The following SCAPER variants were observed in gnomAD, a reference collection of about 807,000 sequenced individuals.
SCAPER encodes S-phase cyclin A associated protein in the ER, also known as S phase cyclin A-associated protein in the endoplasmic reticulum.
A neutral mutation model predicts 182.2 loss-of-function variants in SCAPER; 98 were observed. The observed-to-expected ratio is 0.54, with a 90% confidence interval of 0.46 to 0.64. The LOEUF is 0.64. SCAPER is among the 30% of genes least tolerant of loss of function. The pLI is 0.00. For synonymous variants in SCAPER, 605 were observed against 564.6 expected (o/e 1.07, Z -1.01); for missense variants, 1,432 against 1,690.0 (o/e 0.85, Z 2.68).
intron 29 of SCAPER, among the ~76,000 whole-genome samples, chr15:76,375,527 T>C (rs921852170): frequency 2.0e-5 from 3 of 152,104 alleles, no homozygotes; most frequent in African/African-American, 7.2e-5. Context: ...AAAACCCTGA[T>C]AGCTAGAGCA....
At chr15:76,536,362 T>C (rs2044160531) in intron 23 of SCAPER, among the ~76,000 whole-genome samples, 1 of 151,980 alleles carries the variant, frequency 6.6e-6, no homozygotes, top group Non-Finnish European at 1.5e-5. Context: ...TAATAAAAAT[T>C]GGGAAAAAAA....
intron 3 of SCAPER, among the ~76,000 whole-genome samples, chr15:76,860,591 G>T (rs16968545): frequency 0.051 from 7,755 of 152,112 alleles, 581 homozygotes; most frequent in African/African-American, 0.16. Context: ...CTACAGAAAA[G>T]GTGGAATCAA....
At chr15:76,808,132 A>G (rs2066315241) in intron 5 of SCAPER, among the ~76,000 whole-genome samples, 1 of 152,134 alleles carries the variant, frequency 6.6e-6, no homozygotes, top group African/African-American at 2.4e-5. Context: ...GGGCACAGGA[A>G]AGAGAAAAAG....
intron 22 of SCAPER, among the ~76,000 whole-genome samples, chr15:76,575,280 A>T (rs990042317): frequency 6.6e-6 from 1 of 152,026 alleles, no homozygotes; most frequent in African/African-American, 2.4e-5. Flanking sequence ...TACTGGTAGG[A>T]CTACTGATTC....
chr15:76,514,447 C>A (rs966943188), intron 23 of SCAPER, among the ~76,000 whole-genome samples: 1 of 152,168 alleles, frequency 6.6e-6, no homozygotes, highest in Non-Finnish European at 1.5e-5. Context: ...ACTAGAGTAA[C>A]TGTTATTACC....
At chr15:76,464,923 T>C (rs542118660) in intron 25 of SCAPER, among the ~76,000 whole-genome samples, 2 of 152,264 alleles carry the variant, frequency 1.3e-5, no homozygotes, top group South Asian at 4.1e-4. Flanking sequence ...ATAACAGCCA[T>C]CCTAACAGGC....
intron 27 of SCAPER, among the ~76,000 whole-genome samples, chr15:76,396,471 C>G (rs2044066694): frequency 1.3e-5 from 2 of 152,106 alleles, no homozygotes; most frequent in South Asian, 4.1e-4. Flanking sequence ...AAACAGTTTT[C>G]TATTTATTAT....
intron 21 of SCAPER, among the ~76,000 whole-genome samples, chr15:76,628,268 G>A (rs1200505764): frequency 1.3e-5 from 2 of 152,118 alleles, no homozygotes; most frequent in African/African-American, 4.8e-5. Context: ...CTGTGCAGAG[G>A]CTCTTTCGTT....
chr15:76,753,762 A>C, intron 15 of SCAPER, 46 bp downstream of exon 15: 1 of 1,576,120 alleles, frequency 6.3e-7, no homozygotes, highest in African/African-American at 1.4e-5. Flanking sequence ...CAATTCAAAA[A>C]AGTACTTGGG....
chr15:76,825,572 T>C (rs890370198), intron 5 of SCAPER, among the ~76,000 whole-genome samples: 6 of 152,240 alleles, frequency 3.9e-5, no homozygotes, highest in African/African-American at 1.4e-4. Flanking sequence ...TTTACCTTCA[T>C]TGAGACAAAC....
intron 23 of SCAPER, among the ~76,000 whole-genome samples, chr15:76,527,649 G>A (rs1597209465): frequency 6.6e-6 from 1 of 152,280 alleles, no homozygotes; most frequent in Non-Finnish European, 1.5e-5. Flanking sequence ...GTTGTATGGG[G>A]CATTTAGCCC....
chr15:76,400,022 G>GAGAAA (rs955559596), intron 27 of SCAPER, among the ~76,000 whole-genome samples: 4 of 144,846 alleles, frequency 2.8e-5, no homozygotes, highest in African/African-American at 7.6e-5. Context: ...AAAAAAAAAA[G>GAGAAA]AGAAAAGAAA....
chr15:76,744,758 T>A (rs973391976), intron 15 of SCAPER, among the ~76,000 whole-genome samples: 4 of 152,138 alleles, frequency 2.6e-5, no homozygotes, highest in Non-Finnish European at 5.9e-5. Flanking sequence ...CAGCTACCAT[T>A]TGACCCAGCA....
intron 20 of SCAPER, among the ~76,000 whole-genome samples, chr15:76,695,647 T>C (rs994330156): frequency 6.6e-6 from 1 of 152,112 alleles, no homozygotes; most frequent in African/African-American, 2.4e-5. Context: ...ATATTTTTCC[T>C]TGACCTAATA....
chr15:76,675,672 C>T (rs962854415), intron 20 of SCAPER, among the ~76,000 whole-genome samples: 2 of 152,130 alleles, frequency 1.3e-5, no homozygotes, highest in Non-Finnish European at 2.9e-5. Flanking sequence ...TGCCATGATA[C>T]GAAGTACACT....
intron 21 of SCAPER, among the ~76,000 whole-genome samples, chr15:76,645,449 T>C (rs1025552514): frequency 2.0e-5 from 3 of 152,170 alleles, no homozygotes; most frequent in African/African-American, 7.2e-5. Flanking sequence ...ATAGACTACT[T>C]GCATTTTGCT....
At chr15:76,888,749 C>T (rs1456034922) in intron 1 of SCAPER, among the ~76,000 whole-genome samples, 2 of 152,218 alleles carry the variant, frequency 1.3e-5, no homozygotes, top group African/African-American at 4.8e-5. Flanking sequence ...TTGGAAAACA[C>T]TCTTCAGGGT....
intron 31 of SCAPER, 107 bp from the exon 32 acceptor site, chr15:76,348,843 C>A: frequency 1.6e-6 from 1 of 642,326 alleles, no homozygotes; most frequent in East Asian, 2.8e-5. Flanking sequence ...TGGAGATATC[C>A]ACTTCAAATA....
At chr15:76,883,245 G>C (rs1219464608) in intron 2 of SCAPER, among the ~76,000 whole-genome samples, 1 of 152,194 alleles carries the variant, frequency 6.6e-6, no homozygotes, top group East Asian at 1.9e-4. Context: ...GAATTATCGA[G>C]GCAGACTGGA....
Sources: allele counts gnomAD v4.1 joint callset (sites outside exome capture counted in the v4.1 genomes callset), GRCh38; gene constraint gnomAD v4.1.1; transcripts MANE v1.5; gene names NCBI Gene and HGNC (gene_info 2026-07-23, HGNC 2026-07-21).